Variants in PIGK observed in about 807,000 individuals in gnomAD.
PIGK encodes the protein GPI-anchor transamidase.
In PIGK, 42 loss-of-function variants were observed where a neutral mutation model predicts 50.6. That is an observed-to-expected ratio of 0.83 (90% CI 0.65 to 1.07). PIGK has a LOEUF of 1.07. PIGK is among the 50% of genes least tolerant of loss of function. The probability of loss-of-function intolerance (pLI) is 0.00; values close to 1 mark genes in which losing one functional copy is unlikely to be tolerated. For missense variants in PIGK, 448 were observed against 488.7 expected, an observed-to-expected ratio of 0.92 and a Z score of 0.78; for synonymous variants, 151 against 156.0, an observed-to-expected ratio of 0.97 and a Z score of 0.24.
intron 8 of PIGK, among the ~76,000 whole-genome samples, chr1:77,155,791 G>A (rs552186906): frequency 3.2e-4 from 48 of 152,282 alleles, no homozygotes; most frequent in Non-Finnish European, 5.4e-4. Context: ...GTAGAGATAA[G>A]ACTGTCTGCA....
chr1:77,106,530 A>T (rs531988870), intron 10 of PIGK, among the ~76,000 whole-genome samples: 2 of 152,304 alleles, frequency 1.3e-5, no homozygotes, highest in South Asian at 4.1e-4. Context: ...TAATCATACA[A>T]ATGTTTAACA....
intron 10 of PIGK, among the ~76,000 whole-genome samples, chr1:77,099,566 A>G (rs1028302049): frequency 6.6e-6 from 1 of 152,206 alleles, no homozygotes; most frequent in Non-Finnish European, 1.5e-5. Context: ...TTACAGCAAC[A>G]TAATGTAATA....
chr1:77,208,809 T>C (rs839810), intron 2 of PIGK, among the ~76,000 whole-genome samples: 26,006 of 152,098 alleles, frequency 0.17, 3,773 homozygotes, highest in African/African-American at 0.4. Context: ...AGTATAGAAC[T>C]TGGAATCACC....
At chr1:77,138,624 G>A (rs1654576128) in intron 9 of PIGK, among the ~76,000 whole-genome samples, 1 of 152,190 alleles carries the variant, frequency 6.6e-6, no homozygotes, top group Non-Finnish European at 1.5e-5. Context: ...TAATACATGG[G>A]TGTTGTCTTG....
chr1:77,202,006 C>T (rs914178967), intron 3 of PIGK, among the ~76,000 whole-genome samples: 3 of 150,920 alleles, frequency 2.0e-5, no homozygotes, highest in Non-Finnish European at 4.4e-5. Context: ...TGCAGTGAGC[C>T]GTGTTTGTGT....
intron 9 of PIGK, among the ~76,000 whole-genome samples, chr1:77,147,205 G>A (rs1478010052): frequency 6.6e-6 from 1 of 152,118 alleles, no homozygotes; most frequent in Non-Finnish European, 1.5e-5. Context: ...CAGATCTCGT[G>A]AGACTTATTC....
At chr1:77,173,088 CT>C (rs1655404378) in intron 3 of PIGK, among the ~76,000 whole-genome samples, 1 of 152,112 alleles carries the variant, frequency 6.6e-6, no homozygotes, top group African/African-American at 2.4e-5. Flanking sequence ...TTCTTAATTT[CT>C]GAAGAACTGA....
At chr1:77,098,092 A>G (rs1653462009) in intron 10 of PIGK, among the ~76,000 whole-genome samples, 2 of 152,190 alleles carry the variant, frequency 1.3e-5, no homozygotes, top group African/African-American at 4.8e-5. Context: ...TAAAAGGGCT[A>G]TCACAGATCA....
chr1:77,156,557 C>G (rs1655012684), intron 8 of PIGK, among the ~76,000 whole-genome samples: 1 of 152,104 alleles, frequency 6.6e-6, no homozygotes, highest in Admixed American at 6.5e-5. Context: ...ATTCTATTTC[C>G]TTAGTGTATG....
chr1:77,136,963 T>C (rs1654533316), intron 9 of PIGK, among the ~76,000 whole-genome samples: 1 of 152,226 alleles, frequency 6.6e-6, no homozygotes, highest in Admixed American at 6.5e-5. Flanking sequence ...TCTTTTACTC[T>C]TTCCTGTATC....
At chr1:77,110,232 C>T (rs1271134910) in intron 10 of PIGK, among the ~76,000 whole-genome samples, 1 of 152,166 alleles carries the variant, frequency 6.6e-6, no homozygotes, top group African/African-American at 2.4e-5. Flanking sequence ...GTGCCAATGA[C>T]TTTCTTCACA....
chr1:77,156,358 CTTTCT>C (rs1478496407), intron 8 of PIGK, among the ~76,000 whole-genome samples: 2 of 152,138 alleles, frequency 1.3e-5, no homozygotes, highest in Admixed American at 6.5e-5. Context: ...GAAGTCACTC[CTTTCT>C]TTTAAGAATT....
At chr1:77,200,821 C>A (rs1457770225) in intron 3 of PIGK, among the ~76,000 whole-genome samples, 3 of 151,942 alleles carry the variant, frequency 2.0e-5, no homozygotes, top group Non-Finnish European at 1.5e-5. Flanking sequence ...TCTGAGCAAC[C>A]ATTTTTAGTA....
chr1:77,149,178 AAG>A (rs1224482291), intron 9 of PIGK, among the ~76,000 whole-genome samples: 1 of 152,214 alleles, frequency 6.6e-6, no homozygotes, highest in African/African-American at 2.4e-5. Context: ...GAAAAAAAGG[AAG>A]AGAGGAGTTA....
At chr1:77,167,692 C>A (rs1655265844) in intron 4 of PIGK, among the ~76,000 whole-genome samples, 4 of 152,222 alleles carry the variant, frequency 2.6e-5, no homozygotes, top group Non-Finnish European at 5.9e-5. Flanking sequence ...CTGCAGTGAG[C>A]TATGACATGG....
At chr1:77,134,580 G>C (rs550801032) in intron 9 of PIGK, among the ~76,000 whole-genome samples, 12 of 152,130 alleles carry the variant, frequency 7.9e-5, no homozygotes, top group Non-Finnish European at 1.3e-4. Flanking sequence ...TCAACCTTTG[G>C]TCTACTCCCA....
intron 3 of PIGK, chr1:77,195,199 G>T: frequency 8.4e-7 from 1 of 1,188,118 alleles, no homozygotes. Flanking sequence ...AACCGTGGGC[G>T]ATGAGAAAGG....
In PIGK at chr1:77,091,352, A is replaced by T. The variant is rs907493853; in HGVS notation, c.*1022T>A. 1 of 152,224 alleles carries T rather than the reference A, an allele frequency of 6.6e-6. No individual in the cohort carries two copies. The highest frequency in any genetic ancestry group is 2.4e-5 in the African/African-American group (1 of 41,474). The allele number at this position is 152,224 out of a possible 1,614,324, so 9.4% of individuals were successfully genotyped here. A position where few individuals can be genotyped will look rare whatever the true frequency, so the allele number is the denominator to read the frequency against. ...AGGGGCTTACTGCCTTATAGGATAC[A>T]TCAGCCAGACATGAAGGCTAGGCCA... On this transcript the variant is annotated 3_prime_UTR_variant, in exon 11 of 11. Coordinates refer to ENST00000370812, the MANE Select transcript of PIGK (RefSeq NM_005482.3).
At chr1:77,183,686 T>A (rs1342721882) in intron 3 of PIGK, among the ~76,000 whole-genome samples, 1 of 152,156 alleles carries the variant, frequency 6.6e-6, no homozygotes, top group East Asian at 1.9e-4. Context: ...GCCCACTAAG[T>A]AGGGACTCTG....
Sources: gnomAD v4.1 joint callset for allele counts (sites outside exome capture counted in the v4.1 genomes callset) on GRCh38, gnomAD v4.1.1 for gene constraint, MANE v1.5 for transcripts, NCBI Gene and HGNC (gene_info 2026-07-23, HGNC 2026-07-21) for gene names.